The following KMT5B variants were observed in gnomAD, a reference collection of about 807,000 sequenced individuals.
KMT5B encodes the protein histone-lysine N-methyltransferase KMT5B.
A neutral mutation model predicts 83.2 loss-of-function variants in KMT5B; 10 were observed. The observed-to-expected ratio is 0.12, with a 90% CI of 0.07 to 0.20. The LOEUF is 0.20. Among genes scored for constraint, KMT5B ranks in the 10% least tolerant of loss-of-function variants. The pLI, the probability that KMT5B is intolerant of heterozygous loss-of-function variation, is 1.00. For missense variants in KMT5B, 753 were observed against 1,067.2 expected, an observed-to-expected ratio of 0.71 and a Z score of 4.10; for synonymous variants, 349 against 388.8, an observed-to-expected ratio of 0.90 and a Z score of 1.20.
rs573746378 is a variant in KMT5B at position 68,198,503 on chromosome 11, G to A, written c.-76-8351C>T. 5.3e-5 allele frequency among the ~76,000 whole-genome samples: 8 copies of A among 151,692 alleles called. No individual in the cohort carries two copies. In the East Asian group the frequency reaches 7.8e-4, roughly 15 times the overall value. ...AAGACAAGACAAGACAAGACAGGGC[G>A]GCTAGCAAAGCCTAAATGCTTCATA... is the stretch of plus-strand genomic sequence containing the variant. On this transcript the variant is annotated intron_variant, in intron 1 of 10. Transcript: ENST00000304363.
Position 68,198,201 on chromosome 11 carries a change from A to C in KMT5B, c.-76-8049T>G, listed in dbSNP as rs547432769. 9.9e-5 allele frequency among the ~76,000 whole-genome samples: 15 copies of C among 152,246 alleles called. 1 individual carries two copies. In the East Asian group the frequency reaches 2.7e-3, roughly 27 times the overall value. ...GAGTTCGAGACCAGCCTGGACAACA[A>C]GGTGAAACCCCATCCCTGCTAAAAA... On this transcript the variant is annotated intron_variant, in intron 1 of 10. Coordinates refer to ENST00000304363, the MANE Select transcript of KMT5B (RefSeq NM_017635.5).
intron 10 of KMT5B, among the ~76,000 whole-genome samples, chr11:68,159,911 C>T (rs1225207257): frequency 5.9e-5 from 9 of 152,184 alleles, no homozygotes; most frequent in Admixed American, 6.5e-5. Flanking sequence ...GGAAGATGCA[C>T]GCTGCTAGAA....
At chr11:68,162,431 C>T (rs1854947229) in intron 10 of KMT5B, among the ~76,000 whole-genome samples, 1 of 152,214 alleles carries the variant, frequency 6.6e-6, no homozygotes, top group African/African-American at 2.4e-5. Flanking sequence ...ATAGGCTTCA[C>T]TTGGCCAACT....
At chr11:68,188,127 C>T (rs1333643408) in intron 2 of KMT5B, among the ~76,000 whole-genome samples, 1 of 150,330 alleles carries the variant, frequency 6.7e-6, no homozygotes, top group Non-Finnish European at 1.5e-5. Context: ...CGGGTTCACA[C>T]CATTCTCCCG....
intron 4 of KMT5B, among the ~76,000 whole-genome samples, chr11:68,176,077 G>A (rs1197551869): frequency 6.6e-6 from 1 of 152,096 alleles, no homozygotes; most frequent in African/African-American, 2.4e-5. Flanking sequence ...ACCATGCCCA[G>A]CTAATTTTTG....
In KMT5B at chr11:68,157,692, G is replaced by T; in HGVS notation, c.2654C>A (p.Ala885Asp). 1 of 1,556,976 alleles carries T rather than the reference G, an allele frequency of 6.4e-7. No homozygotes were observed. The highest frequency in any genetic ancestry group is 8.7e-7 in the Non-Finnish European group (1 of 1,152,844). ...GGTCAAGTTAAGACCAAGAGCTTAG[G>T]CATTAAGCCTTAAAGACTGATCTTC... The part of the protein sequence containing the change: ...RREDQSLRLN[A>D] The change falls in exon 11 of 11, where the codon GCC becomes GAC. Residue 885 changes from alanine to aspartate, a missense_variant. By Grantham distance (126) the Ala-to-Asp change is moderately radical. Transcript: ENST00000304363.
intron 3 of KMT5B, among the ~76,000 whole-genome samples, chr11:68,182,576 G>C (rs1857040842): frequency 6.6e-6 from 1 of 151,832 alleles, no homozygotes. Context: ...CTCCCACCTT[G>C]CCCTCCCAAA....
intron 1 of KMT5B, among the ~76,000 whole-genome samples, chr11:68,197,751 G>C (rs1858896145): frequency 6.6e-6 from 1 of 152,148 alleles, no homozygotes; most frequent in Non-Finnish European, 1.5e-5. Context: ...ACAGAACATG[G>C]CTAAATTTCA....
In KMT5B at chr11:68,157,367, T is replaced by C. The variant is rs943872648; in HGVS notation, c.*321A>G. On this transcript the variant is annotated 3_prime_UTR_variant, in exon 11 of 11. Coordinates refer to ENST00000304363, the MANE Select transcript of KMT5B (RefSeq NM_017635.5). Reference sequence around the variant, plus strand: ...CTGATGCTCTTACAGTTAAAAAAACTGTGTAGCCACATTACTGTTTTCAAC... The same window carrying C: ...CTGATGCTCTTACAGTTAAAAAAACCGTGTAGCCACATTACTGTTTTCAAC... 5.8e-4 allele frequency: 119 copies of C among 203,888 alleles called. No individual in the cohort carries two copies. Among genetic ancestry groups the C allele is most frequent in the African/African-American group, 2.4e-3 (105 of 43,646 alleles). 12.6% of individuals were successfully genotyped at this position (203,888 alleles called of 1,614,324 possible).
At position 68,158,397 on chromosome 11, in the gene KMT5B, G is replaced by C. The variant is rs745816889; in HGVS notation, c.1949C>G (p.Ser650Cys). 23 of 1,614,026 alleles carry C rather than the reference G, an allele frequency of 1.4e-5. No homozygotes were observed. Among genetic ancestry groups the C allele is most frequent in the Non-Finnish European group, 1.9e-5 (23 of 1,179,990 alleles). The stretch of plus-strand genomic sequence containing the variant: ...AGTGCCACTGTGCTCACCCTGGTCA[G>C]AATGGGGACCCATCAAATCTGGTAC... ...DAVPDLMGPH[S>C]DQGEHSGTVG... Residue 650 changes from serine to cysteine, a missense_variant, in exon 11 of 11, where the codon TCT becomes TGT. Physicochemically the swap from Ser to Cys is moderately radical, Grantham distance 112. Around this residue, in one of 9 missense-constraint regions of KMT5B, gnomAD observed 397 missense variants for 395.9 expected, o/e 1.00. Coordinates refer to ENST00000304363, the MANE Select transcript of KMT5B (RefSeq NM_017635.5).
At position 68,205,330 on chromosome 11, in the gene KMT5B, T is replaced by C. The variant is rs536972799; in HGVS notation, c.-77+7808A>G. Among the ~76,000 whole-genome samples, 4 of 151,778 alleles carry C rather than the reference T, an allele frequency of 2.6e-5. No individual in the cohort carries two copies. In the South Asian group the frequency reaches 8.3e-4, roughly 31 times the overall value. On this transcript the variant is annotated intron_variant, in intron 1 of 10. Transcript: ENST00000304363. ...GAGACCTCACCTTTAAAAACATAAA[T>C]AAATAAAAAGTTTAAATCATACACT... is the stretch of plus-strand genomic sequence containing the variant.
chr11:68,199,468 TG>T, intron 1 of KMT5B, among the ~76,000 whole-genome samples: 1 of 152,134 alleles, frequency 6.6e-6, no homozygotes, highest in South Asian at 2.1e-4. Context: ...CTGGCGTGGC[TG>T]GGGCAAATAT....
chr11:68,182,735 AT>A lies in KMT5B; in HGVS notation c.309-2536del, dbSNP rs1013344475. 9.1e-3 allele frequency among the ~76,000 whole-genome samples: 1,260 copies of A among 139,116 alleles called. 4 individuals are homozygous for A. Among genetic ancestry groups the A allele is most frequent in the Non-Finnish European group, 0.012 (777 of 63,614 alleles). The allele number at this position is 139,116 out of a possible 152,430, so 91.3% of individuals were successfully genotyped here. A position where few individuals can be genotyped will look rare whatever the true frequency, so the allele number is the denominator to read the frequency against. Reference sequence around the variant, plus strand: ...ATAAGCCACTAAAACTTTCATTGTAATTTTTTTTTTTTTTTTTTGAGACTGA... The same window carrying A: ...ATAAGCCACTAAAACTTTCATTGTAATTTTTTTTTTTTTTTTTGAGACTGA... On this transcript the variant is annotated intron_variant, in intron 3 of 10. Transcript: ENST00000304363.
At chr11:68,180,330 T>A in intron 3 of KMT5B, 130 bp from the exon 4 acceptor site, 1 of 1,277,262 alleles carries the variant, frequency 7.8e-7, no homozygotes, top group Non-Finnish European at 1.1e-6. Flanking sequence ...TCAAGAACTT[T>A]AAGATACCAC....
chr11:68,206,996 A>C (rs1442966764), intron 1 of KMT5B, among the ~76,000 whole-genome samples: 1 of 152,074 alleles, frequency 6.6e-6, no homozygotes, highest in Non-Finnish European at 1.5e-5. Flanking sequence ...TAATCCCAGC[A>C]CTTTGGGAGG....
chr11:68,191,665 G>C (rs1206354071), intron 1 of KMT5B, among the ~76,000 whole-genome samples: 1 of 152,034 alleles, frequency 6.6e-6, no homozygotes, highest in Admixed American at 6.6e-5. Flanking sequence ...ATATGTGTTT[G>C]TATTTTAAGC....
At chr11:68,167,991 G>C (rs1855477304) in intron 9 of KMT5B, among the ~76,000 whole-genome samples, 1 of 152,022 alleles carries the variant, frequency 6.6e-6, no homozygotes, top group Admixed American at 6.6e-5. Flanking sequence ...GGTGAACATG[G>C]TGAAACCCTG....
In KMT5B at chr11:68,155,511, C is replaced by A. The variant is rs1216040395; in HGVS notation, c.*2177G>T. ...AATGTGTTTTGTCACTTTTTAAGATCGAAATTCCCAAAATAGCTATCGTTG... is the reference window on the plus strand; with the variant it reads ...AATGTGTTTTGTCACTTTTTAAGATAGAAATTCCCAAAATAGCTATCGTTG... On this transcript the variant is annotated 3_prime_UTR_variant, in exon 11 of 11. Transcript: ENST00000304363. 1.3e-5 allele frequency: 2 copies of A among 152,138 alleles called. No homozygotes were observed. Among genetic ancestry groups the A allele is most frequent in the African/African-American group, 2.4e-5 (1 of 41,436 alleles). 9.4% of individuals were successfully genotyped at this position (152,138 alleles called of 1,614,324 possible). A position where few individuals can be genotyped will look rare whatever the true frequency, so the allele number is the denominator to read the frequency against.
intron 4 of KMT5B, among the ~76,000 whole-genome samples, chr11:68,176,004 T>C (rs1856342716): frequency 6.9e-6 from 1 of 144,356 alleles, no homozygotes; most frequent in Admixed American, 7.0e-5. Context: ...AACCTCTGCC[T>C]CCCGGGTTCA....
Sources: gnomAD v4.1 joint callset for allele counts (sites outside exome capture counted in the v4.1 genomes callset) on GRCh38, gnomAD v4.1.1 for gene constraint, gnomAD v4.1.1 regional missense constraint, MANE v1.5 for transcripts, NCBI Gene and HGNC (gene_info 2026-07-23, HGNC 2026-07-21) for gene names.